LDLRAD4: variants seen among roughly 807,000 people sequenced by gnomAD.
LDLRAD4 encodes low-density lipoprotein receptor class A domain-containing protein 4.
In LDLRAD4, 5 loss-of-function variants were observed where a neutral mutation model predicts 17.0. The ratio of observed to expected loss-of-function variants is 0.29; its 90% confidence interval spans 0.15 to 0.62. The LOEUF (loss-of-function observed/expected upper bound fraction) is 0.62. LDLRAD4 is among the 20% of genes least tolerant of loss of function. The probability of loss-of-function intolerance (pLI) is 0.84; values close to 1 mark genes in which losing one functional copy is unlikely to be tolerated. For synonymous variants in LDLRAD4, 168 were observed against 171.8 expected (o/e 0.98, Z 0.17); for missense variants, 340 against 424.7 (o/e 0.80, Z 1.75).
intron 3 of LDLRAD4, among the ~76,000 whole-genome samples, chr18:13,536,805 C>T (rs1235893622): frequency 6.6e-6 from 1 of 152,064 alleles, no homozygotes; most frequent in Non-Finnish European, 1.5e-5. Context: ...CCTTCTGTTC[C>T]TACTTTGCTG....
chr18:13,245,368 G>A (rs1204797926), intron 1 of LDLRAD4, among the ~76,000 whole-genome samples: 4 of 152,224 alleles, frequency 2.6e-5, no homozygotes, highest in African/African-American at 4.8e-5. Flanking sequence ...TTGGAGGCCT[G>A]CCTGAAGTTT....
intron 4 of LDLRAD4, among the ~76,000 whole-genome samples, chr18:13,638,253 A>G (rs1462499656): frequency 6.6e-6 from 1 of 152,226 alleles, no homozygotes; most frequent in Non-Finnish European, 1.5e-5. Flanking sequence ...AGCCTGGGCA[A>G]CATAGACTTT....
At chr18:13,219,614 A>G (rs1182217282) in intron 1 of LDLRAD4, among the ~76,000 whole-genome samples, 1 of 152,218 alleles carries the variant, frequency 6.6e-6, no homozygotes, top group Non-Finnish European at 1.5e-5. Context: ...AGTTATTTGC[A>G]GTAGAGGTGG....
At chr18:13,560,043 A>G (rs943982350) in intron 3 of LDLRAD4, among the ~76,000 whole-genome samples, 5 of 152,224 alleles carry the variant, frequency 3.3e-5, no homozygotes, top group Admixed American at 2.6e-4. Flanking sequence ...TGAGTATTAT[A>G]TGGGTACTTT....
rs192657503 is a variant in LDLRAD4 at position 13,519,199 on chromosome 18, A to G, written c.181+80815A>G. On this transcript the variant is annotated intron_variant, in intron 3 of 5. Transcript: ENST00000359446. ...GCTTACTTTTTCTTACTGTCATTTT[A>G]AAGATTACTTTATCCAGCACTTTAG... 8.5e-5 allele frequency among the ~76,000 whole-genome samples: 13 copies of G among 152,298 alleles called. No homozygotes were observed. The East Asian group carries it at 2.5e-3, about 29-fold the overall frequency.
intron 3 of LDLRAD4, among the ~76,000 whole-genome samples, chr18:13,595,559 G>A (rs1422118345): frequency 6.6e-6 from 1 of 152,080 alleles, no homozygotes; most frequent in Admixed American, 6.5e-5. Flanking sequence ...ATATTGCCCA[G>A]ACTGGTCTTG....
At chr18:13,503,377 C>T (rs2093643320) in intron 3 of LDLRAD4, among the ~76,000 whole-genome samples, 1 of 152,228 alleles carries the variant, frequency 6.6e-6, no homozygotes, top group African/African-American at 2.4e-5. Flanking sequence ...AGCGTGGTCC[C>T]TGCCACCAGG....
At chr18:13,240,975 G>A (rs572689081) in intron 1 of LDLRAD4, 6 of 150,816 alleles carry the variant, frequency 4.0e-5, no homozygotes, top group Non-Finnish European at 5.9e-5. Context: ...TGTTGCCCAC[G>A]CTGGAGTGCA....
At chr18:13,426,377 A>G (rs2089937737) in intron 2 of LDLRAD4, among the ~76,000 whole-genome samples, 1 of 152,210 alleles carries the variant, frequency 6.6e-6, no homozygotes, top group Non-Finnish European at 1.5e-5. Context: ...GTCAAAAAAT[A>G]TTTTGTCTTT....
intron 3 of LDLRAD4, among the ~76,000 whole-genome samples, chr18:13,605,173 T>G (rs961737760): frequency 2.0e-5 from 3 of 152,112 alleles, no homozygotes; most frequent in African/African-American, 4.8e-5. Flanking sequence ...ACTTCTTGAG[T>G]TTTTAAGAAG....
At position 13,497,993 on chromosome 18, in the gene LDLRAD4, C is replaced by T. The variant is rs951322179; in HGVS notation, c.181+59609C>T. ...CTGTGGACACTGGAGAATCCTTCTG[C>T]CCACACAAGTCCTGCCGTGGACACT... is the stretch of plus-strand genomic sequence containing the variant. On this transcript the variant is annotated intron_variant, in intron 3 of 5. Coordinates refer to ENST00000359446, the Ensembl canonical transcript of LDLRAD4. 9.9e-5 allele frequency among the ~76,000 whole-genome samples: 15 copies of T among 151,616 alleles called. 1 individual carries two copies. The highest frequency in any genetic ancestry group is 2.9e-4 in the African/African-American group (12 of 41,208).
At chr18:13,446,574 T>G (rs1186654639) in intron 3 of LDLRAD4, among the ~76,000 whole-genome samples, 1 of 152,246 alleles carries the variant, frequency 6.6e-6, no homozygotes, top group Non-Finnish European at 1.5e-5. Context: ...TACAAACTGA[T>G]AAGCTATCCC....
chr18:13,376,617 G>T (rs113768869), intron 1 of LDLRAD4, among the ~76,000 whole-genome samples: 12 of 152,168 alleles, frequency 7.9e-5, no homozygotes, highest in Non-Finnish European at 1.5e-5. Flanking sequence ...TGCAGTTGCC[G>T]ATCAGTGCCT....
rs981078346 is a variant in LDLRAD4, at chr18:13,239,003, T to C, written c.-467+20015T>C. Among the ~76,000 whole-genome samples the C allele has an allele frequency of 2.0e-5, 3 of 152,032 alleles. No homozygotes were observed. The South Asian group carries it at 6.3e-4, about 32-fold the overall frequency. ...GAGTTCGAGACCAGCCTGGCCAACA[T>C]GGTGAAACCCTGTCTCTACTAAAAA... On this transcript the variant is annotated intron_variant, in intron 1 of 5. Coordinates refer to the LDLRAD4 transcript ENST00000399848.
chr18:13,510,752 C>G (rs1568277672), intron 3 of LDLRAD4, among the ~76,000 whole-genome samples: 1 of 152,192 alleles, frequency 6.6e-6, no homozygotes, highest in Non-Finnish European at 1.5e-5. Context: ...AGTGTCAACA[C>G]CTGTTAAGTT....
At chr18:13,559,809 C>T (rs1488012719) in intron 3 of LDLRAD4, among the ~76,000 whole-genome samples, 1 of 152,200 alleles carries the variant, frequency 6.6e-6, no homozygotes, top group Non-Finnish European at 1.5e-5. Context: ...CTCAGTTGCC[C>T]ATGGAGGAGT....
intron 3 of LDLRAD4, among the ~76,000 whole-genome samples, chr18:13,478,549 G>A (rs911636243): frequency 6.6e-5 from 10 of 152,148 alleles, no homozygotes; most frequent in African/African-American, 1.2e-4. Flanking sequence ...TAGCATGCAA[G>A]AAATTAAATA....
chr18:13,517,816 G>T (rs2093891392), intron 3 of LDLRAD4, among the ~76,000 whole-genome samples: 1 of 152,098 alleles, frequency 6.6e-6, no homozygotes, highest in South Asian at 2.1e-4. Flanking sequence ...TCAGCTCACT[G>T]CAAGCTCTGC....
chr18:13,373,429 T>C (rs932670802), intron 1 of LDLRAD4, among the ~76,000 whole-genome samples: 1 of 152,210 alleles, frequency 6.6e-6, no homozygotes, highest in Non-Finnish European at 1.5e-5. Flanking sequence ...CTCACAGTTA[T>C]AGGATTGTGC....
Sources: allele counts gnomAD v4.1 joint callset (sites outside exome capture counted in the v4.1 genomes callset), GRCh38; gene constraint gnomAD v4.1.1; transcripts MANE v1.5; gene names NCBI Gene and HGNC (gene_info 2026-07-23, HGNC 2026-07-21).